SENP7: variants seen among roughly 807,000 people sequenced by gnomAD.
SENP7 encodes the protein SUMO specific peptidase 7.
A neutral mutation model predicts 141.2 loss-of-function variants in SENP7; 64 were observed. The observed-to-expected ratio is 0.45, with a 90% CI of 0.37 to 0.56. SENP7 has a LOEUF of 0.56. SENP7 is among the 20% of genes least tolerant of loss of function. The pLI, the probability that SENP7 is intolerant of heterozygous loss-of-function variation, is 0.00. For synonymous variants in SENP7, 382 were observed against 426.4 expected (o/e 0.90, Z 1.28); for missense variants, 1,025 against 1,212.2 (o/e 0.85, Z 2.29).
chr3:101,330,206 A>G (rs2059011952), intron 20 of SENP7, 128 bp downstream of exon 20: 2 of 569,966 alleles, frequency 3.5e-6, no homozygotes, highest in African/African-American at 3.9e-5. Context: ...AAAAACTGTC[A>G]AAGAATCACA....
chr3:101,484,316 A>G (rs758894718), intron 3 of SENP7, among the ~76,000 whole-genome samples: 9 of 152,224 alleles, frequency 5.9e-5, no homozygotes, highest in Admixed American at 2.0e-4. Flanking sequence ...TGTTATCTAA[A>G]TATACGAAGA....
At chr3:101,346,289 G>C (rs1314203641) in intron 13 of SENP7, among the ~76,000 whole-genome samples, 4 of 152,254 alleles carry the variant, frequency 2.6e-5, no homozygotes, top group East Asian at 1.9e-4. Flanking sequence ...CAGTGAAAAG[G>C]GAACACTTCT....
At chr3:101,331,528 T>G (rs1229236844) in intron 19 of SENP7, among the ~76,000 whole-genome samples, 1 of 146,142 alleles carries the variant, frequency 6.8e-6, no homozygotes, top group Non-Finnish European at 1.5e-5. Flanking sequence ...ATCTGTCAAT[T>G]TTTTTAAGTT....
chr3:101,360,624 G>C (rs935217655), intron 11 of SENP7, among the ~76,000 whole-genome samples: 63 of 152,160 alleles, frequency 4.1e-4, no homozygotes, highest in African/African-American at 1.5e-3. Context: ...TTAAGTGCCT[G>C]CTTAGAGTGG....
intron 20 of SENP7, among the ~76,000 whole-genome samples, chr3:101,329,932 G>A (rs540763968): frequency 6.7e-6 from 1 of 149,686 alleles, no homozygotes; most frequent in Admixed American, 6.7e-5. Flanking sequence ...TCCAGCCTGG[G>A]TGTCAGCAAG....
chr3:101,488,405 G>A (rs562457940), intron 3 of SENP7, among the ~76,000 whole-genome samples: 2 of 152,292 alleles, frequency 1.3e-5, no homozygotes, highest in East Asian at 3.9e-4. Context: ...TTCATCAGTG[G>A]AGGGATAATT....
In SENP7 at chr3:101,467,571, G is replaced by A. The variant is rs185758952; in HGVS notation, c.187-8519C>T. On this transcript the variant is annotated intron_variant, in intron 3 of 23. Transcript: ENST00000394095. Reference sequence around the variant, plus strand: ...GGTGATACCCAGGCAAACTGGGCCTGGAGTGGACCTCCAGCAAACTCCAAC... The same window carrying A: ...GGTGATACCCAGGCAAACTGGGCCTAGAGTGGACCTCCAGCAAACTCCAAC... 3.9e-3 allele frequency among the ~76,000 whole-genome samples: 601 copies of A among 152,346 alleles called. 3 individuals are homozygous for A. Among genetic ancestry groups the A allele is most frequent in the African/African-American group, 0.014 (571 of 41,562 alleles).
intron 21 of SENP7, 40 bp from the exon 22 acceptor site, chr3:101,328,586 G>A: frequency 6.3e-7 from 1 of 1,597,120 alleles, no homozygotes; most frequent in Non-Finnish European, 8.6e-7. Context: ...TTACATACTT[G>A]TATACAAAGT....
chr3:101,387,193 T>C (rs147564966), intron 6 of SENP7, among the ~76,000 whole-genome samples: 1 of 152,270 alleles, frequency 6.6e-6, no homozygotes, highest in African/African-American at 2.4e-5. Context: ...AGGTCAGCCC[T>C]GCTCACTGCC....
At chr3:101,378,862 C>T (rs2060414793) in intron 6 of SENP7, among the ~76,000 whole-genome samples, 2 of 152,072 alleles carry the variant, frequency 1.3e-5, no homozygotes, top group African/African-American at 4.8e-5. Context: ...TCTCATTTCT[C>T]AGAAACCATG....
At chr3:101,469,092 C>T (rs1320220164) in intron 3 of SENP7, among the ~76,000 whole-genome samples, 2 of 151,818 alleles carry the variant, frequency 1.3e-5, no homozygotes, top group Non-Finnish European at 2.9e-5. Flanking sequence ...AGACTTTAAA[C>T]CAACAAAGAT....
intron 4 of SENP7, among the ~76,000 whole-genome samples, chr3:101,453,473 C>T (rs1446686338): frequency 2.0e-5 from 3 of 152,246 alleles, no homozygotes; most frequent in Middle Eastern, 3.4e-3. Context: ...ACCCAAATGT[C>T]CAACAATGGT....
rs1220103540 is a variant in SENP7 at position 101,469,851 on chromosome 3, A to AAG, written c.187-10801_187-10800dup. ...GTCTCAAAAAAAAAAAAAAAAAAAAAAGAACAGAAATCACAACAAACTGTC... is the reference window on the plus strand; with the variant it reads ...GTCTCAAAAAAAAAAAAAAAAAAAAAAGAGAACAGAAATCACAACAAACTGTC... On this transcript the variant is annotated intron_variant, in intron 3 of 23. Transcript: ENST00000394095. Among the ~76,000 whole-genome samples, 215 of 140,958 alleles carry AAG rather than the reference A, an allele frequency of 1.5e-3. 26 individuals carry two copies. Among genetic ancestry groups the AAG allele is most frequent in the African/African-American group, 5.4e-3 (211 of 38,826 alleles). 92.5% of individuals were successfully genotyped at this position (140,958 alleles called of 152,430 possible).
At chr3:101,496,302 C>T (rs2108125241) in intron 2 of SENP7, among the ~76,000 whole-genome samples, 1 of 152,262 alleles carries the variant, frequency 6.6e-6, no homozygotes, top group East Asian at 1.9e-4. Flanking sequence ...GTCACCTAGG[C>T]TGGTGTGTAG....
intron 6 of SENP7, among the ~76,000 whole-genome samples, chr3:101,378,402 A>G (rs1428213000): frequency 6.6e-6 from 1 of 152,186 alleles, no homozygotes; most frequent in Non-Finnish European, 1.5e-5. Flanking sequence ...ACACTGTAAC[A>G]GAAATGAACA....
intron 4 of SENP7, among the ~76,000 whole-genome samples, chr3:101,441,762 G>A (rs1272738901): frequency 2.0e-5 from 3 of 152,144 alleles, no homozygotes; most frequent in Non-Finnish European, 2.9e-5. Context: ...TCCCTACCAT[G>A]ACTGGTGCTC....
At chr3:101,374,673 G>A (rs1261502768) in intron 6 of SENP7, among the ~76,000 whole-genome samples, 1 of 150,628 alleles carries the variant, frequency 6.6e-6, no homozygotes, top group Non-Finnish European at 1.5e-5. Context: ...AGCTACTCAG[G>A]AAGCTGAGGG....
chr3:101,349,276 C>A (rs1367158070), intron 12 of SENP7, among the ~76,000 whole-genome samples: 1 of 152,074 alleles, frequency 6.6e-6, no homozygotes, highest in Admixed American at 6.6e-5. Context: ...AGAATGAGAG[C>A]CCTCAGAATG....
In SENP7 at chr3:101,325,816, T is replaced by A; in HGVS notation, c.*127A>T. 1.3e-6 allele frequency: 1 copy of A among 781,116 alleles called. No individual in the cohort carries two copies. The highest frequency in any genetic ancestry group is 2.9e-5 in the East Asian group (1 of 34,850). The allele number at this position is 781,116 out of a possible 1,614,324, so 48.4% of individuals were successfully genotyped here. On this transcript the variant is annotated 3_prime_UTR_variant, in exon 24 of 24. Transcript: ENST00000394095. ...AATGTGTCCTACATATTTTAAATAA[T>A]GTTCCAATGACTTATTATAAAACTA...
Sources: allele counts gnomAD v4.1 joint callset (sites outside exome capture counted in the v4.1 genomes callset), GRCh38; gene constraint gnomAD v4.1.1; transcripts MANE v1.5; gene names NCBI Gene and HGNC (gene_info 2026-07-23, HGNC 2026-07-21).